CDKAL1: variants seen among roughly 807,000 people sequenced by gnomAD.
CDKAL1 encodes threonylcarbamoyladenosine tRNA methylthiotransferase.
Under a neutral mutation model 68.2 loss-of-function variants are expected in CDKAL1, and 32 were observed. The ratio of observed to expected loss-of-function variants is 0.47; its 90% confidence interval spans 0.35 to 0.63. The LOEUF is 0.63. CDKAL1 is among the 30% of genes least tolerant of loss of function. The pLI is 0.00. For synonymous variants in CDKAL1, 234 were observed against 244.3 expected (o/e 0.96, Z 0.39); for missense variants, 606 against 696.7 (o/e 0.87, Z 1.47).
At chr6:20,556,692 G>A (rs1290404101) in intron 4 of CDKAL1, among the ~76,000 whole-genome samples, 1 of 151,970 alleles carries the variant, frequency 6.6e-6, no homozygotes, top group Non-Finnish European at 1.5e-5. Flanking sequence ...TGTACCTGAA[G>A]ATAAAGGAAA....
intron 11 of CDKAL1, among the ~76,000 whole-genome samples, chr6:21,064,595 T>C (rs1165474214): frequency 1.3e-5 from 2 of 152,154 alleles, no homozygotes; most frequent in African/African-American, 4.8e-5. Flanking sequence ...AACTGAATAG[T>C]ATATCAATTG....
At chr6:21,011,114 T>C (rs552930407) in intron 11 of CDKAL1, among the ~76,000 whole-genome samples, 50 of 123,814 alleles carry the variant, frequency 4.0e-4, no homozygotes, top group Middle Eastern at 7.9e-3. Context: ...CACGGTGGCT[T>C]ACACCTGTAA....
intron 5 of CDKAL1, among the ~76,000 whole-genome samples, chr6:20,711,153 GAGAT>G (rs1218330148): frequency 6.6e-6 from 1 of 152,142 alleles, no homozygotes; most frequent in Non-Finnish European, 1.5e-5. Flanking sequence ...TAAAAGTTGT[GAGAT>G]AGATATCAGT....
chr6:20,684,044 T>C (rs1770505135), intron 5 of CDKAL1, among the ~76,000 whole-genome samples: 1 of 152,234 alleles, frequency 6.6e-6, no homozygotes, highest in Admixed American at 6.5e-5. Flanking sequence ...TGATGGCCCA[T>C]TTTTTAGTGC....
intron 15 of CDKAL1, among the ~76,000 whole-genome samples, chr6:21,202,568 G>C (rs1490524418): frequency 6.6e-6 from 1 of 152,094 alleles, no homozygotes; most frequent in Non-Finnish European, 1.5e-5. Context: ...TTTCCACATA[G>C]TGTGTTTTAC....
At chr6:20,634,093 G>C (rs1204280942) in intron 4 of CDKAL1, among the ~76,000 whole-genome samples, 1 of 152,176 alleles carries the variant, frequency 6.6e-6, no homozygotes, top group African/African-American at 2.4e-5. Flanking sequence ...CAGATGACTT[G>C]TGTTATTGAT....
At chr6:20,893,105 C>G (rs1163977086) in intron 9 of CDKAL1, among the ~76,000 whole-genome samples, 1 of 152,144 alleles carries the variant, frequency 6.6e-6, no homozygotes, top group African/African-American at 2.4e-5. Context: ...CTGGAATGAT[C>G]CCAAAAACGC....
intron 6 of CDKAL1, among the ~76,000 whole-genome samples, chr6:20,747,511 T>C (rs1773713761): frequency 6.6e-6 from 1 of 152,218 alleles, no homozygotes; most frequent in African/African-American, 2.4e-5. Context: ...ATTGTCTCTT[T>C]GGCATGGCCA....
chr6:21,200,980 T>G, intron 14 of CDKAL1, 130 bp from the exon 15 acceptor site: 1 of 720,090 alleles, frequency 1.4e-6, no homozygotes, highest in Non-Finnish European at 2.2e-6. Flanking sequence ...CGGTAAATAA[T>G]AAGAAAACTG....
At chr6:21,225,553 CGGCTGT>C (rs1779709639) in intron 15 of CDKAL1, among the ~76,000 whole-genome samples, 1 of 152,098 alleles carries the variant, frequency 6.6e-6, no homozygotes, top group South Asian at 2.1e-4. Flanking sequence ...GCACTCTGCC[CGGCTGT>C]GGGCACATTA....
chr6:21,218,333 C>A (rs970644515), intron 15 of CDKAL1, among the ~76,000 whole-genome samples: 2 of 152,212 alleles, frequency 1.3e-5, no homozygotes, highest in African/African-American at 4.8e-5. Context: ...CTCTACTTGG[C>A]AACTTTTTGT....
intron 15 of CDKAL1, among the ~76,000 whole-genome samples, chr6:21,203,670 T>G (rs1156891489): frequency 6.6e-6 from 1 of 151,082 alleles, no homozygotes; most frequent in Non-Finnish European, 1.5e-5. Context: ...TGCTTTGGAC[T>G]TATTTTGTCT....
chr6:21,049,378 T>C (rs1335768040), intron 11 of CDKAL1, among the ~76,000 whole-genome samples: 1 of 152,206 alleles, frequency 6.6e-6, no homozygotes, highest in Non-Finnish European at 1.5e-5. Flanking sequence ...TTATAATTCA[T>C]GTTACCATAG....
intron 12 of CDKAL1, among the ~76,000 whole-genome samples, chr6:21,090,791 ATTTTTTC>A: frequency 7.0e-6 from 1 of 141,946 alleles, no homozygotes; most frequent in African/African-American, 2.6e-5. Flanking sequence ...TATACTAACA[ATTTTTTC>A]TTTTTTCTTT....
chr6:20,865,976 A>C (rs753377996), intron 9 of CDKAL1, among the ~76,000 whole-genome samples: 9 of 152,220 alleles, frequency 5.9e-5, no homozygotes, highest in Non-Finnish European at 1.3e-4. Flanking sequence ...GTACTTCAGA[A>C]GTGCTGAGTA....
At chr6:20,908,185 G>C (rs1282212699) in intron 9 of CDKAL1, among the ~76,000 whole-genome samples, 1 of 152,044 alleles carries the variant, frequency 6.6e-6, no homozygotes, top group African/African-American at 2.4e-5. Context: ...TCTGAAAGTT[G>C]ATTTTTTTTT....
At chr6:20,821,269 G>A (rs923714039) in intron 8 of CDKAL1, among the ~76,000 whole-genome samples, 3 of 152,044 alleles carry the variant, frequency 2.0e-5, no homozygotes, top group Non-Finnish European at 4.4e-5. Context: ...ATATCCTGTC[G>A]TGAAGTCCGA....
chr6:20,729,634 C>T (rs1434689354), intron 5 of CDKAL1, among the ~76,000 whole-genome samples: 1 of 152,154 alleles, frequency 6.6e-6, no homozygotes, highest in Non-Finnish European at 1.5e-5. Context: ...TCACGACAAC[C>T]TCATGAGGTA....
intron 13 of CDKAL1, among the ~76,000 whole-genome samples, chr6:21,190,409 C>G (rs1257076732): frequency 6.6e-6 from 1 of 151,780 alleles, no homozygotes; most frequent in East Asian, 1.9e-4. Context: ...TTCTTGTCGC[C>G]CAGGCTGGAG....
Sources: allele counts gnomAD v4.1 joint callset (sites outside exome capture counted in the v4.1 genomes callset), GRCh38; gene constraint gnomAD v4.1.1; transcripts MANE v1.5; gene names NCBI Gene and HGNC (gene_info 2026-07-23, HGNC 2026-07-21).